The following DAAM2 variants were observed in gnomAD, a reference collection of about 807,000 sequenced individuals.
DAAM2 encodes dishevelled associated activator of morphogenesis 2.
Under a neutral mutation model 120.7 loss-of-function variants are expected in DAAM2, and 39 were observed. The ratio of observed to expected loss-of-function variants is 0.32; its 90% CI spans 0.25 to 0.42. DAAM2 has a LOEUF of 0.42. Ranked by LOEUF, DAAM2 falls within the 10% of genes least tolerant of loss-of-function variation. DAAM2 has a pLI of 1.00. For missense variants in DAAM2, 1,283 were observed against 1,401.7 expected, an observed-to-expected ratio of 0.92 and a Z score of 1.35; for synonymous variants, 488 against 524.9, an observed-to-expected ratio of 0.93 and a Z score of 0.96.
chr6:39,896,496 A>G (rs1437967344), intron 19 of DAAM2, among the ~76,000 whole-genome samples: 1 of 152,132 alleles, frequency 6.6e-6, no homozygotes, highest in Admixed American at 6.5e-5. Flanking sequence ...AGCCACCGCA[A>G]CCGGCCTTCT....
rs201309255 is a variant in DAAM2, at chr6:39,900,192, A to G, written c.2795A>G (p.Asn932Ser). 1,799 of 1,610,068 alleles carry G rather than the reference A, an allele frequency of 1.1e-3. 24 individuals carry two copies. In the South Asian group the frequency reaches 0.014, roughly 13 times the overall value. Residue 932 changes from asparagine (N) to serine (S), a missense_variant, in exon 23 of 25, where the codon AAT becomes AGT. Transcript: ENST00000274867. ...TTCTCCGAGCTGGAGGACCAGCTAAATGAGGCCAGGGACAAGGTAAGGGTG... is the reference window on the plus strand; with the variant it reads ...TTCTCCGAGCTGGAGGACCAGCTAAGTGAGGCCAGGGACAAGGTAAGGGTG... ...FSFSELEDQL[N>S]EARDKFAKAL...
intron 6 of DAAM2, chr6:39,868,082 AT>A: frequency 1.9e-6 from 1 of 524,774 alleles, no homozygotes; most frequent in Non-Finnish European, 3.4e-6. Context: ...TGTCTTCCTT[AT>A]TAGTCAGTGG....
intron 10 of DAAM2, among the ~76,000 whole-genome samples, chr6:39,875,127 A>G (rs941120752): frequency 2.0e-5 from 3 of 152,152 alleles, no homozygotes; most frequent in African/African-American, 7.2e-5. Context: ...CATCCGTAGA[A>G]GTCTAGTTGC....
In DAAM2 at chr6:39,828,710, G is replaced by A. The variant is rs551189364; in HGVS notation, c.-56-27537G>A. Among the ~76,000 whole-genome samples the A allele has an allele frequency of 1.5e-3, 233 of 152,014 alleles. 7 individuals are homozygous for A. The highest frequency in any genetic ancestry group is 0.014 in the Admixed American group (209 of 15,264). On this transcript the variant is annotated intron_variant, in intron 1 of 24. Coordinates refer to ENST00000274867, the MANE Select transcript of DAAM2 (RefSeq NM_001201427.2). ...CCCGGGTAGCTGGGACTACAGGTGC[G>A]TGCCACCATGCCCGGCTAATTTTTG... is the stretch of plus-strand genomic sequence containing the variant.
In DAAM2 at chr6:39,871,554, A is replaced by G. The variant is rs965846264; in HGVS notation, c.1026A>G (p.Leu342=). ...EMVRNEDDLE[L]ARRFDMVHID... ...TGCGGAATGAGGATGACCTGGAGCT[A>G]GCCAGGAGGTTTGACATGGTGAGGA... The change falls in exon 9 of 25, where the codon CTA becomes CTG. Residue 342 remains leucine, a synonymous_variant. Transcript: ENST00000274867. 7.7e-6 allele frequency: 12 copies of G among 1,550,702 alleles called. No homozygotes were observed. Among genetic ancestry groups the G allele is most frequent in the Non-Finnish European group, 1.0e-5 (12 of 1,147,052 alleles).
intron 14 of DAAM2, 164 bp from the exon 15 acceptor site, chr6:39,883,797 AG>A (rs1003306985): frequency 3.3e-6 from 2 of 613,664 alleles, no homozygotes; most frequent in African/African-American, 1.8e-5. Context: ...AGAGTATTCA[AG>A]AGAGTTGGAG....
intron 2 of DAAM2, among the ~76,000 whole-genome samples, chr6:39,858,045 C>A (rs1764075332): frequency 6.6e-6 from 1 of 152,092 alleles, no homozygotes; most frequent in South Asian, 2.1e-4. Context: ...GACATTTCCA[C>A]CGAGATGATT....
chr6:39,837,607 G>A (rs190036002), intron 1 of DAAM2, among the ~76,000 whole-genome samples: 3,078 of 138,402 alleles, frequency 0.022, 86 homozygotes, highest in African/African-American at 0.072. Context: ...AGGTTGTGGT[G>A]AGCCGAGATC....
chr6:39,900,350 C>T (rs1054356509), intron 23 of DAAM2, 142 bp downstream of exon 23: 2 of 919,694 alleles, frequency 2.2e-6, no homozygotes, highest in African/African-American at 3.3e-5. Context: ...TCGCTCTTAA[C>T]AAGACAAGCA....
At chr6:39,796,594 T>A (rs80166834) in intron 1 of DAAM2, among the ~76,000 whole-genome samples, 2 of 136,760 alleles carry the variant, frequency 1.5e-5, no homozygotes, top group Non-Finnish European at 3.1e-5. Flanking sequence ...ATAGGTGTTA[T>A]GGGTTTCTTT....
chr6:39,826,794 T>G (rs576092826), intron 1 of DAAM2, among the ~76,000 whole-genome samples: 30 of 152,198 alleles, frequency 2.0e-4, no homozygotes, highest in Admixed American at 2.6e-4. Flanking sequence ...TTTCTGTAAC[T>G]TCAACTTGGC....
chr6:39,831,983 G>A lies in DAAM2; in HGVS notation c.-56-24264G>A, dbSNP rs148326802. Among the ~76,000 whole-genome samples, 264 of 140,010 alleles carry A rather than the reference G, an allele frequency of 1.9e-3. 1 individual carries two copies. The highest frequency in any genetic ancestry group is 6.4e-3 in the African/African-American group (239 of 37,402). 91.9% of individuals were successfully genotyped at this position (140,010 alleles called of 152,430 possible). ...GTGCACTGGGGGGGTAGGTGCACTG[G>A]GGGGTAGGTGCACTGGGGAGGCAGG... On this transcript the variant is annotated intron_variant, in intron 1 of 24. Coordinates refer to ENST00000274867, the MANE Select transcript of DAAM2 (RefSeq NM_001201427.2).
At chr6:39,802,812 A>G (rs1242676444) in intron 1 of DAAM2, among the ~76,000 whole-genome samples, 3 of 152,220 alleles carry the variant, frequency 2.0e-5, no homozygotes, top group Admixed American at 6.5e-5. Flanking sequence ...GTAGCTCAAT[A>G]TATTTCCATA....
At chr6:39,840,810 A>G (rs2149251604) in intron 1 of DAAM2, among the ~76,000 whole-genome samples, 1 of 152,246 alleles carries the variant, frequency 6.6e-6, no homozygotes, top group African/African-American at 2.4e-5. Flanking sequence ...CTGACCTAAG[A>G]AGATCACAAC....
At chr6:39,859,720 T>C (rs1429255057) in intron 2 of DAAM2, among the ~76,000 whole-genome samples, 5 of 152,240 alleles carry the variant, frequency 3.3e-5, no homozygotes, top group African/African-American at 9.6e-5. Flanking sequence ...AAATATACTA[T>C]GAAAATTGAC....
chr6:39,811,980 A>G (rs530515100), intron 1 of DAAM2, among the ~76,000 whole-genome samples: 2 of 152,270 alleles, frequency 1.3e-5, no homozygotes, highest in Admixed American at 6.5e-5. Flanking sequence ...GTGACCTGGA[A>G]CCCACACATT....
intron 1 of DAAM2, among the ~76,000 whole-genome samples, chr6:39,828,120 A>G (rs1295203701): frequency 2.6e-5 from 4 of 152,326 alleles, no homozygotes; most frequent in African/African-American, 4.8e-5. Context: ...TCGCTAGACT[A>G]TTAGCTTCCA....
chr6:39,852,510 C>G (rs1282575143), intron 1 of DAAM2, among the ~76,000 whole-genome samples: 3 of 152,210 alleles, frequency 2.0e-5, no homozygotes, highest in African/African-American at 7.2e-5. Context: ...CCCATCATTG[C>G]CTGGAGAAGC....
rs1277028285 is a variant in DAAM2, at chr6:39,903,982, A to T, written c.*1945A>T. ...GCCCCAAGAGCTCCCACTGCAAGACAAGTGTTGGGGAAGATGGGAGGTTGT... is the reference window on the plus strand; with the variant it reads ...GCCCCAAGAGCTCCCACTGCAAGACTAGTGTTGGGGAAGATGGGAGGTTGT... On this transcript the variant is annotated 3_prime_UTR_variant, in exon 25 of 25. Coordinates refer to ENST00000274867, the MANE Select transcript of DAAM2 (RefSeq NM_001201427.2). 2.8e-6 allele frequency: 1 copy of T among 351,666 alleles called. No individual in the cohort carries two copies. The highest frequency in any genetic ancestry group is 2.1e-5 in the African/African-American group (1 of 46,652). The allele number at this position is 351,666 out of a possible 1,614,324, so 21.8% of individuals were successfully genotyped here.
Sources: gnomAD v4.1 joint callset for allele counts (sites outside exome capture counted in the v4.1 genomes callset) on GRCh38, gnomAD v4.1.1 for gene constraint, MANE v1.5 for transcripts, NCBI Gene and HGNC (gene_info 2026-07-23, HGNC 2026-07-21) for gene names.